TOP1MT: variants seen among roughly 807,000 people sequenced by gnomAD.
TOP1MT encodes DNA topoisomerase I mitochondrial.
In TOP1MT, 80 loss-of-function variants were observed where a neutral mutation model predicts 73.9. That is an observed-to-expected ratio of 1.08 (90% CI 0.90 to 1.30). The LOEUF (loss-of-function observed/expected upper bound fraction) is 1.30, where lower values mean the gene tolerates loss of function less well. Among genes scored for constraint, TOP1MT ranks in the 50% most tolerant of loss-of-function variants. TOP1MT has a pLI of 0.00. For synonymous variants in TOP1MT, 338 were observed against 326.4 expected (o/e 1.04, Z -0.38); for missense variants, 815 against 808.0 (o/e 1.01, Z -0.10).
At chr8:143,333,129 TG>T (rs1816905201) in intron 1 of TOP1MT, among the ~76,000 whole-genome samples, 1 of 151,072 alleles carries the variant, frequency 6.6e-6, no homozygotes, top group East Asian at 2.0e-4. Flanking sequence ...TGTGAGAAAA[TG>T]GGAAACCACG....
intron 12 of TOP1MT, among the ~76,000 whole-genome samples, chr8:143,311,386 G>A (rs554099541): frequency 9.5e-4 from 145 of 152,090 alleles, no homozygotes; most frequent in Non-Finnish European, 1.6e-3. Flanking sequence ...CTTCGCACAC[G>A]CCACCATTAA....
rs375137131 is a variant in TOP1MT, at chr8:143,315,181, C to T, written c.1553+546G>A. 5.3e-5 allele frequency among the ~76,000 whole-genome samples: 8 copies of T among 151,390 alleles called. No individual in the cohort carries two copies. In the East Asian group the frequency reaches 5.8e-4, roughly 11 times the overall value. On this transcript the variant is annotated intron_variant, in intron 12 of 13. Coordinates refer to ENST00000329245, the MANE Select transcript of TOP1MT (RefSeq NM_052963.3). ...TGGAGGGCCTGACATCAGTCAGGCT[C>T]GCCCGCAGTTATCCGGAGGCCTAAC...
chr8:143,326,200 A>T (rs781337112), intron 4 of TOP1MT, 22 bp downstream of exon 4: 2 of 1,613,034 alleles, frequency 1.2e-6, no homozygotes, highest in South Asian at 2.2e-5. Context: ...TTCAGGTCAC[A>T]CAACGCTCGA....
Position 143,309,442 on chromosome 8 carries a change from T to G in TOP1MT, c.1805A>C (p.Ter602SerextTer?). 1 of 1,613,578 alleles carries G rather than the reference T, an allele frequency of 6.2e-7. No individual in the cohort carries two copies. Among genetic ancestry groups the G allele is most frequent in the Non-Finnish European group, 8.5e-7 (1 of 1,179,980 alleles). Reference protein sequence around the residue: ...LAMAGEDFEF* With the variant: ...LAMAGEDFEFS ...AAGAAGTTTCAACACGGCTCGTCGT[T>G]AGAATTCAAAGTCTTCTCCTGCCAT... Residue 602 changes from the stop codon to serine (S), a stop_lost, in exon 14 of 14, where the codon TAA (stop) becomes TCA (serine). Coordinates refer to ENST00000329245, the MANE Select transcript of TOP1MT (RefSeq NM_052963.3).
chr8:143,339,302 C>G (rs1437155114), upstream of TOP1MT, among the ~76,000 whole-genome samples: 1 of 152,224 alleles, frequency 6.6e-6, no homozygotes, highest in Non-Finnish European at 1.5e-5. Flanking sequence ...TCGTTCTTCT[C>G]AAAGCAGGCG....
At chr8:143,356,807 A>G (rs376118137), upstream of TOP1MT, among the ~76,000 whole-genome samples, 7,902 of 129,722 alleles carry the variant, frequency 0.061, 376 homozygotes, top group Non-Finnish European at 0.091. Context: ...AAAAAAAAAA[A>G]AAAAGACCAC....
In TOP1MT at chr8:143,341,775, C is replaced by G. The variant is rs1049617886; in HGVS notation, c.29+1445G>C. Among the ~76,000 whole-genome samples the G allele has an allele frequency of 6.6e-6, 1 of 152,192 alleles. No homozygotes were observed. The highest frequency in any genetic ancestry group is 6.5e-5 in the Admixed American group (1 of 15,268). On this transcript the variant is annotated intron_variant, in intron 2 of 5. Coordinates refer to the TOP1MT transcript ENST00000518007. This position sits in a 1 kb window ranked among gnomAD's most constrained non-coding sequence, Gnocchi z 4.1. ...ACACAAAACACCAGAAAGGGAAGGT[C>G]ACAGAGCACTATCCCGACACCACTG...
At chr8:143,343,301 TATAC>T in intron 1 of TOP1MT, 1 of 456,064 alleles carries the variant, frequency 2.2e-6, no homozygotes, top group South Asian at 1.5e-5. Flanking sequence ...AATTCAAATG[TATAC>T]ATAAACATGC....
upstream of TOP1MT, among the ~76,000 whole-genome samples, chr8:143,349,185 G>C (rs1430520286): frequency 6.6e-6 from 1 of 152,244 alleles, no homozygotes; most frequent in African/African-American, 2.4e-5. Context: ...CAAACAGAGA[G>C]AGAACGGCTT....
At chr8:143,338,963 G>C (rs759597058), upstream of TOP1MT, among the ~76,000 whole-genome samples, 2 of 152,236 alleles carry the variant, frequency 1.3e-5, no homozygotes, top group Non-Finnish European at 2.9e-5. Flanking sequence ...CCTCACAGCA[G>C]GTAGGAGGAC....
chr8:143,326,186 C>T, intron 4 of TOP1MT, 36 bp downstream of exon 4: 1 of 1,610,368 alleles, frequency 6.2e-7, no homozygotes, highest in Non-Finnish European at 8.5e-7. Context: ...TTCCCAGGGG[C>T]CACTTCAGGT....
chr8:143,343,854 G>A (rs1020135809), intron 1 of TOP1MT: 22 of 154,194 alleles, frequency 1.4e-4, no homozygotes, highest in Non-Finnish European at 3.2e-4. Context: ...CAGGCACCCC[G>A]GTCTGAACGC....
At chr8:143,351,328 T>C (rs1408696073) in intron 1 of TOP1MT, among the ~76,000 whole-genome samples, 2 of 152,174 alleles carry the variant, frequency 1.3e-5, no homozygotes, top group African/African-American at 4.8e-5. Context: ...ATCCCAGCAC[T>C]TTGGGAGGCC....
chr8:143,316,080 G>A lies in TOP1MT; in HGVS notation c.1377C>T (p.Asn459=). 3 of 1,614,194 alleles carry A rather than the reference G, an allele frequency of 1.9e-6. No individual in the cohort carries two copies. The highest frequency in any genetic ancestry group is 2.2e-5 in the South Asian group (2 of 91,092). ...AAKILSYNRA[N]RVVAILCNHQ... ...GGTTGCAGAGAATGGCCACGACTCG[G>A]TTGGCTCGGTTGTAGGATAAGATCT... The change falls in exon 11 of 14, where the codon AAC becomes AAT. Residue 459 remains asparagine, a synonymous_variant. Coordinates refer to ENST00000329245, the MANE Select transcript of TOP1MT (RefSeq NM_052963.3).
At chr8:143,347,699 GCCAGC>G (rs1817251090), upstream of TOP1MT, among the ~76,000 whole-genome samples, 1 of 147,720 alleles carries the variant, frequency 6.8e-6, no homozygotes, top group African/African-American at 2.5e-5. Flanking sequence ...CAGCCAGCCA[GCCAGC>G]CAGCCAGCCA....
Position 143,331,342 on chromosome 8 carries a change from A to C in TOP1MT, c.123-3T>G. ...CTTCGTGCTTCTCCTTCTCCCACCT[A>C]AAGACGGAGACAGGACGTGTCACTC... On this transcript the variant is annotated splice_region_variant and splice_polypyrimidine_tract_variant and intron_variant, in intron 1 of 13. Coordinates refer to ENST00000329245, the MANE Select transcript of TOP1MT (RefSeq NM_052963.3). 2 of 1,609,110 alleles carry C rather than the reference A, an allele frequency of 1.2e-6. No homozygotes were observed. The highest frequency in any genetic ancestry group is 1.7e-6 in the Non-Finnish European group (2 of 1,176,420).
chr8:143,347,832 G>A (rs888794774), upstream of TOP1MT, among the ~76,000 whole-genome samples: 2 of 152,182 alleles, frequency 1.3e-5, no homozygotes, highest in African/African-American at 4.8e-5. Flanking sequence ...CCACCGCTTT[G>A]AGCCCCACAG....
intron 8 of TOP1MT, among the ~76,000 whole-genome samples, chr8:143,318,710 C>A (rs920929132): frequency 6.6e-5 from 10 of 152,122 alleles, no homozygotes; most frequent in Admixed American, 6.5e-5. Flanking sequence ...AGCATGGCAG[C>A]CCTCCCTCAC....
chr8:143,329,565 C>A (rs536426359), intron 2 of TOP1MT, 94 bp from the exon 3 acceptor site: 85 of 1,439,204 alleles, frequency 5.9e-5, no homozygotes, highest in African/African-American at 2.2e-4. Context: ...CGCTTTCGTG[C>A]GTACTATGCC....
Sources: gnomAD v4.1 joint callset for allele counts (sites outside exome capture counted in the v4.1 genomes callset) on GRCh38, gnomAD v4.1.1 for gene constraint, Gnocchi (gnomAD v3.1) non-coding constraint, MANE v1.5 for transcripts, NCBI Gene and HGNC (gene_info 2026-07-23, HGNC 2026-07-21) for gene names.